The following RFC2 variants were observed in gnomAD, a reference collection of about 807,000 sequenced individuals.
The protein encoded by RFC2 is A1 40 kDa subunit.
In RFC2, 34 loss-of-function variants were observed where a neutral mutation model predicts 44.8. The observed-to-expected ratio is 0.76, with a 90% CI of 0.58 to 1.01. The LOEUF (loss-of-function observed/expected upper bound fraction) is 1.01. Ranked by LOEUF, RFC2 falls within the 50% of genes least tolerant of loss-of-function variation. The pLI is 0.00. For missense variants in RFC2, 400 were observed against 453.6 expected, an observed-to-expected ratio of 0.88 and a Z score of 1.07; for synonymous variants, 177 against 168.9, an observed-to-expected ratio of 1.05 and a Z score of -0.37.
At chr7:74,233,854 T>C (rs1554717727) in intron 10 of RFC2, 1 of 456,624 alleles carries the variant, frequency 2.2e-6, no homozygotes, top group South Asian at 1.5e-5. Flanking sequence ...CTGGTGGGAA[T>C]GCACGTGCTG....
In RFC2 at chr7:74,239,930, C is replaced by T. The variant is rs1554718977; in HGVS notation, c.693+8G>A. ...ATGCCCACGCCTGAATGGTAGCAGC[C>T]CACATACCTGCCTCATGTCTCCCTG... On this transcript the variant is annotated splice_region_variant and intron_variant, in intron 7 of 10. Coordinates refer to ENST00000055077, the MANE Select transcript of RFC2 (RefSeq NM_181471.3). 1.3e-6 allele frequency: 2 copies of T among 1,594,214 alleles called. No homozygotes were observed. Among genetic ancestry groups the T allele is most frequent in the South Asian group, 1.1e-5 (1 of 88,612 alleles).
chr7:74,244,528 G>A (rs916228824), intron 5 of RFC2, among the ~76,000 whole-genome samples: 10 of 151,510 alleles, frequency 6.6e-5, no homozygotes, highest in East Asian at 4.0e-4. Flanking sequence ...GCGCCACCAT[G>A]TCCGGCTAAT....
At chr7:74,250,210 T>A (rs1167781459) in intron 2 of RFC2, among the ~76,000 whole-genome samples, 2 of 151,676 alleles carry the variant, frequency 1.3e-5, no homozygotes, top group Admixed American at 1.3e-4. Flanking sequence ...GAGCTGAATC[T>A]CCCCAGCTAC....
intron 5 of RFC2, among the ~76,000 whole-genome samples, chr7:74,244,096 CAAAAAAA>C (rs1179272254): frequency 3.0e-3 from 125 of 41,642 alleles, no homozygotes; most frequent in African/African-American, 8.0e-3. Flanking sequence ...ACTAAAAATA[CAAAAAAA>C]AAAAAAAAAA....
Position 74,238,117 on chromosome 7 carries a change from G to A in RFC2, c.760-675C>T, listed in dbSNP as rs1803125468. ...CAGTGACCCTCCAAGACAAAACAGG[G>A]CCCGAACCATCACCCCTGTTTCTGA... On this transcript the variant is annotated intron_variant, in intron 8 of 10. Coordinates refer to ENST00000055077, the MANE Select transcript of RFC2 (RefSeq NM_181471.3). This position sits in a 1 kb window ranked among gnomAD's most constrained non-coding sequence, Gnocchi z 4.0. Among the ~76,000 whole-genome samples, 1 of 151,820 alleles carries A rather than the reference G, an allele frequency of 6.6e-6. No individual in the cohort carries two copies. The highest frequency in any genetic ancestry group is 2.4e-5 in the African/African-American group (1 of 41,340).
At chr7:74,232,308 C>T (rs1179730612) in intron 10 of RFC2, 92 bp from the exon 11 acceptor site, 4 of 718,484 alleles carry the variant, frequency 5.6e-6, no homozygotes, top group Non-Finnish European at 9.6e-6. Flanking sequence ...AAAACAGAAA[C>T]AAACTGAACT....
chr7:74,252,459 G>T lies in RFC2; in HGVS notation c.153C>A (p.Val51=), dbSNP rs376958207. The T allele has an allele frequency of 9.0e-5, 145 of 1,604,880 alleles. No homozygotes were observed. Among genetic ancestry groups the T allele is most frequent in the Non-Finnish European group, 1.1e-4 (134 of 1,173,146 alleles). The stretch of plus-strand genomic sequence containing the variant: ...GCCTGCTCACGGTGTCTTCATTCCC[G>T]ACAATTTCATTCAGCTTTACTGGCC... ...KYRPVKLNEI[V]GNEDTVSRLE... is the part of the protein sequence containing the mutation. The change falls in exon 2 of 11, where the codon GTC becomes GTA. Residue 51 remains valine, a synonymous_variant. Transcript: ENST00000055077.
At chr7:74,243,529 C>T (rs576072710) in intron 5 of RFC2, among the ~76,000 whole-genome samples, 5 of 152,064 alleles carry the variant, frequency 3.3e-5, no homozygotes, top group African/African-American at 7.2e-5. Context: ...TTGGTTCTCT[C>T]CAGTCCTTCA....
intron 2 of RFC2, among the ~76,000 whole-genome samples, chr7:74,251,389 C>T (rs1786932301): frequency 2.0e-5 from 3 of 152,094 alleles, no homozygotes; most frequent in African/African-American, 7.2e-5. Flanking sequence ...CTGGTTTCAC[C>T]ACATTGCCCA....
At position 74,254,331 on chromosome 7, in the gene RFC2, G is replaced by T; in HGVS notation, c.53C>A (p.Ser18Tyr). 6.2e-7 allele frequency: 1 copy of T among 1,612,278 alleles called. No individual in the cohort carries two copies. The highest frequency in any genetic ancestry group is 8.5e-7 in the Non-Finnish European group (1 of 1,179,544). Residue 18 changes from serine (S) to tyrosine (Y), a missense_variant, in exon 1 of 11, where the codon TCT becomes TAT. Physicochemically the swap from Ser to Tyr is moderately radical, Grantham distance 144. Coordinates refer to ENST00000055077, the MANE Select transcript of RFC2 (RefSeq NM_181471.3). ...CTTGCTGAAGGCAGGGGCAGGGTCA[G>T]AGTCCTGGGCCTCCACCTCGCCCGC... Reference protein sequence around the residue: ...GGAGEVEAQDSDPAPAFSKAP... With the variant: ...GGAGEVEAQDYDPAPAFSKAP...
In RFC2 at chr7:74,238,132, C is replaced by T. The variant is rs1210162690; in HGVS notation, c.760-690G>A. Among the ~76,000 whole-genome samples, 1 of 152,106 alleles carries T rather than the reference C, an allele frequency of 6.6e-6. No individual in the cohort carries two copies. The highest frequency in any genetic ancestry group is 1.5e-5 in the Non-Finnish European group (1 of 68,026). On this transcript the variant is annotated intron_variant, in intron 8 of 10. Coordinates refer to ENST00000055077, the MANE Select transcript of RFC2 (RefSeq NM_181471.3). The surrounding 1 kb of genome is among the most constrained non-coding windows in gnomAD (Gnocchi z 4.0). The stretch of plus-strand genomic sequence containing the variant: ...ACAAAACAGGGCCCGAACCATCACC[C>T]CTGTTTCTGAGCGGGCCTCCCCTTC...
At chr7:74,234,948 G>C (rs1802920556) in intron 10 of RFC2, among the ~76,000 whole-genome samples, 1 of 152,164 alleles carries the variant, frequency 6.6e-6, no homozygotes. Context: ...AAGGAACTAA[G>C]ACACAGCCTC....
At chr7:74,233,155 G>A (rs1554717504) in intron 10 of RFC2, among the ~76,000 whole-genome samples, 1 of 152,122 alleles carries the variant, frequency 6.6e-6, no homozygotes, top group Non-Finnish European at 1.5e-5. Context: ...AGGCTGCAGT[G>A]AACTATGATC....
rs1803147172 is a variant in RFC2 at position 74,238,537 on chromosome 7, G to T, written c.759+386C>A. ...GGGGTCTGAAGGCTACTGGGGAACA[G>T]CACAGTGCTCCTGCCTGCCCTTTAG... On this transcript the variant is annotated intron_variant, in intron 8 of 10. Coordinates refer to ENST00000055077, the MANE Select transcript of RFC2 (RefSeq NM_181471.3). This position sits in a 1 kb window ranked among gnomAD's most constrained non-coding sequence, Gnocchi z 4.0. 6.6e-6 allele frequency among the ~76,000 whole-genome samples: 1 copy of T among 152,014 alleles called. No homozygotes were observed. The highest frequency in any genetic ancestry group is 6.6e-5 in the Admixed American group (1 of 15,262).
rs782669502 is a variant in RFC2 at position 74,254,377 on chromosome 7, C to G, written c.7G>C (p.Val3Leu). Residue 3 changes from valine (V) to leucine (L), a missense_variant, in exon 1 of 11, where the codon GTG (valine) becomes CTG (leucine). Transcript: ENST00000055077. The part of the protein sequence containing the change: ME[V>L]EAVCGGAGEV... The stretch of plus-strand genomic sequence containing the variant: ...CCCGCGCCACCACAGACGGCCTCCA[C>G]CTCCATTCTCGCGCCTCCTCTTCCC... 1 of 1,597,764 alleles carries G rather than the reference C, an allele frequency of 6.3e-7. No individual in the cohort carries two copies. Among genetic ancestry groups the G allele is most frequent in the African/African-American group, 1.3e-5 (1 of 74,244 alleles).
chr7:74,240,214 C>A, intron 6 of RFC2, 119 bp from the exon 7 acceptor site: 2 of 868,470 alleles, frequency 2.3e-6, no homozygotes, highest in Admixed American at 2.8e-5. Flanking sequence ...TCAATAGAGA[C>A]TTGGTAGGCC....
At chr7:74,246,599 T>C (rs1563996266) in intron 5 of RFC2, 63 bp downstream of exon 5, 1 of 1,146,386 alleles carries the variant, frequency 8.7e-7, no homozygotes, top group Non-Finnish European at 1.3e-6. Context: ...TTATCCTGAT[T>C]GAATAAAACC....
intron 1 of RFC2, among the ~76,000 whole-genome samples, chr7:74,253,932 T>A (rs1176642748): frequency 2.0e-5 from 3 of 152,196 alleles, no homozygotes; most frequent in Admixed American, 2.0e-4. Flanking sequence ...ATCGATATTT[T>A]TTTTAAAAGA....
At chr7:74,254,143 C>T (rs1244812183) in intron 1 of RFC2, 128 bp downstream of exon 1, 5 of 718,550 alleles carry the variant, frequency 7.0e-6, no homozygotes, top group African/African-American at 1.8e-5. Flanking sequence ...CGATGCCACC[C>T]GGGGCCTCCT....
Sources: gnomAD v4.1 joint callset for allele counts (sites outside exome capture counted in the v4.1 genomes callset) on GRCh38, gnomAD v4.1.1 for gene constraint, Gnocchi (gnomAD v3.1) non-coding constraint, MANE v1.5 for transcripts, NCBI Gene and HGNC (gene_info 2026-07-23, HGNC 2026-07-21) for gene names.